The following ARNT variants were observed in gnomAD, a reference collection of about 807,000 sequenced individuals.
The protein encoded by ARNT is aryl hydrocarbon receptor nuclear translocator, also known as class E basic helix-loop-helix protein 2.
A neutral mutation model predicts 105.0 loss-of-function variants in ARNT; 30 were observed. That is an observed-to-expected ratio of 0.29 (90% CI 0.21 to 0.39). The LOEUF (loss-of-function observed/expected upper bound fraction) is 0.39, where lower values mean the gene tolerates loss of function less well. Among genes scored for constraint, ARNT ranks in the 10% least tolerant of loss-of-function variants. The pLI is 1.00. For missense variants in ARNT, 748 were observed against 978.7 expected, an observed-to-expected ratio of 0.76 and a Z score of 3.15; for synonymous variants, 304 against 344.0, an observed-to-expected ratio of 0.88 and a Z score of 1.29.
chr1:150,843,291 C>CCTCAGAA (rs1334892739), intron 4 of ARNT, among the ~76,000 whole-genome samples: 1 of 152,068 alleles, frequency 6.6e-6, no homozygotes, highest in East Asian at 1.9e-4. Context: ...TGATGGGTGG[C>CCTCAGAA]AACTGAGGAA....
rs1261726225 is a variant in ARNT, at chr1:150,836,377, C to T, written c.603G>A (p.Gln201=). The T allele has an allele frequency of 1.2e-6, 2 of 1,614,036 alleles. No homozygotes were observed. The highest frequency in any genetic ancestry group is 2.7e-5 in the African/African-American group (2 of 74,914). Residue 201 remains glutamine (Q), a synonymous_variant, in exon 7 of 22, where the codon CAG becomes CAA. Coordinates refer to ENST00000358595, the MANE Select transcript of ARNT (RefSeq NM_001668.4). ...DSVTPVLNQP[Q]SEWFGSTLYD... Reference sequence around the variant, plus strand: ...AGAGTGTGCTGCCAAACCATTCAGACTGTGGCTGGTTCAAAACAGGAGTCA... The same window carrying T: ...AGAGTGTGCTGCCAAACCATTCAGATTGTGGCTGGTTCAAAACAGGAGTCA...
In ARNT at chr1:150,817,440, G is replaced by A. The variant is rs10305740; in HGVS notation, c.1506-7C>T. ...TGTTTGCTGTTGCTGCTGCCTATATGTCAAAGGCCAGTTGACAAGACAAAT... is the reference window on the plus strand; with the variant it reads ...TGTTTGCTGTTGCTGCTGCCTATATATCAAAGGCCAGTTGACAAGACAAAT... On this transcript the variant is annotated splice_region_variant and splice_polypyrimidine_tract_variant and intron_variant, in intron 15 of 21. Transcript: ENST00000358595. 9.9e-3 allele frequency: 16,042 copies of A among 1,613,440 alleles called. 98 individuals carry two copies. Among genetic ancestry groups the A allele is most frequent in the Middle Eastern group, 0.013 (78 of 6,054 alleles).
At chr1:150,861,251 A>G in intron 1 of ARNT, 1 of 425,308 alleles carries the variant, frequency 2.4e-6, no homozygotes, top group African/African-American at 2.1e-5. Flanking sequence ...GCGCACCTGT[A>G]GTCCCAGCTA....
chr1:150,831,788 G>A (rs780192289), intron 10 of ARNT, 30 bp downstream of exon 10: 4 of 1,498,142 alleles, frequency 2.7e-6, no homozygotes, highest in Non-Finnish European at 3.7e-6. Context: ...ACTGTACCAA[G>A]GGGAAATATT....
At chr1:150,820,169 T>C (rs900332661) in intron 14 of ARNT, among the ~76,000 whole-genome samples, 14 of 152,298 alleles carry the variant, frequency 9.2e-5, no homozygotes, top group African/African-American at 2.9e-4. Flanking sequence ...AAAGACCACA[T>C]GGCCCACAAA....
intron 20 of ARNT, 147 bp downstream of exon 20, chr1:150,813,930 G>T: frequency 8.8e-7 from 1 of 1,135,038 alleles, no homozygotes; most frequent in Non-Finnish European, 1.3e-6. Flanking sequence ...CCAGCTGGTA[G>T]GTTTTAAATT....
At chr1:150,857,316 C>T (rs991612058) in intron 2 of ARNT, among the ~76,000 whole-genome samples, 1 of 152,148 alleles carries the variant, frequency 6.6e-6, no homozygotes, top group Non-Finnish European at 1.5e-5. Context: ...TGTTACTGTA[C>T]ATAAACATAA....
At chr1:150,855,654 C>A (rs980669399) in intron 2 of ARNT, among the ~76,000 whole-genome samples, 5 of 151,498 alleles carry the variant, frequency 3.3e-5, no homozygotes, top group Non-Finnish European at 7.4e-5. Context: ...GTAATCCCAA[C>A]ACTTTAGGAC....
intron 4 of ARNT, among the ~76,000 whole-genome samples, chr1:150,844,739 G>C (rs1661876849): frequency 1.3e-5 from 2 of 150,998 alleles, no homozygotes; most frequent in African/African-American, 4.9e-5. Flanking sequence ...TCATCATCTT[G>C]ATAGGTAATT....
intron 20 of ARNT, 54 bp from the exon 21 acceptor site, chr1:150,813,392 G>A: frequency 2.0e-6 from 3 of 1,503,310 alleles, no homozygotes; most frequent in Non-Finnish European, 2.7e-6. Flanking sequence ...ATTCCATTGT[G>A]TACTAATGCC....
At chr1:150,872,465 C>T (rs1275044740) in intron 1 of ARNT, among the ~76,000 whole-genome samples, 2 of 152,200 alleles carry the variant, frequency 1.3e-5, no homozygotes, top group African/African-American at 4.8e-5. Context: ...CTACATTCTT[C>T]ATCCACAGTA....
At chr1:150,847,441 A>AAG (rs1378708727) in intron 3 of ARNT, among the ~76,000 whole-genome samples, 1 of 151,606 alleles carries the variant, frequency 6.6e-6, no homozygotes, top group African/African-American at 2.4e-5. Flanking sequence ...AAAAAAAAAA[A>AAG]AAAAAGAAGG....
In ARNT at chr1:150,810,331, T is replaced by G. The variant is rs1180124832; in HGVS notation, c.*1690A>C. ...TACAATATTATAGTCCTGATCACAT[T>G]TAAAAAGTCGATTATTAAAAAACAA... On this transcript the variant is annotated 3_prime_UTR_variant, in exon 22 of 22. Coordinates refer to ENST00000358595, the MANE Select transcript of ARNT (RefSeq NM_001668.4). 4.3e-6 allele frequency: 1 copy of G among 230,362 alleles called. No individual in the cohort carries two copies. The highest frequency in any genetic ancestry group is 8.6e-6 in the Non-Finnish European group (1 of 115,982). 14.3% of individuals were successfully genotyped at this position (230,362 alleles called of 1,614,324 possible).
intron 1 of ARNT, among the ~76,000 whole-genome samples, chr1:150,866,650 G>C (rs1296636206): frequency 6.6e-6 from 1 of 151,932 alleles, no homozygotes; most frequent in Non-Finnish European, 1.5e-5. Context: ...TGGATGTATA[G>C]TTTTGATTTA....
intron 1 of ARNT, among the ~76,000 whole-genome samples, chr1:150,862,903 T>C (rs1198380336): frequency 6.6e-6 from 1 of 151,212 alleles, no homozygotes; most frequent in Non-Finnish European, 1.5e-5. Flanking sequence ...ATACAAAAAT[T>C]AGCCAGGCAT....
At chr1:150,813,916 GC>G (rs1655282491) in intron 20 of ARNT, among the ~76,000 whole-genome samples, 160 bp downstream of exon 20, 1 of 152,074 alleles carries the variant, frequency 6.6e-6, no homozygotes, top group Non-Finnish European at 1.5e-5. Context: ...GTGAGCCACC[GC>G]ACCCAGCTGG....
At chr1:150,840,295 G>T (rs1247893052) in intron 5 of ARNT, among the ~76,000 whole-genome samples, 1 of 152,000 alleles carries the variant, frequency 6.6e-6, no homozygotes, top group Middle Eastern at 3.2e-3. Flanking sequence ...ATTTTTAAAT[G>T]CTGATTTTAC....
chr1:150,841,454 T>C (rs967997335), intron 5 of ARNT, among the ~76,000 whole-genome samples: 5 of 152,104 alleles, frequency 3.3e-5, no homozygotes, highest in Admixed American at 2.6e-4. Context: ...CACCACATCA[T>C]GCCAAATCCA....
rs1654537453 is a variant in ARNT at position 150,810,545 on chromosome 1, C to G, written c.*1476G>C. The G allele has an allele frequency of 4.6e-6, 1 of 219,502 alleles. No homozygotes were observed. The highest frequency in any genetic ancestry group is 2.2e-5 in the African/African-American group (1 of 44,520). The allele number at this position is 219,502 out of a possible 1,614,324, so 13.6% of individuals were successfully genotyped here. A position where few individuals can be genotyped will look rare whatever the true frequency, so the allele number is the denominator to read the frequency against. On this transcript the variant is annotated 3_prime_UTR_variant, in exon 22 of 22. Coordinates refer to ENST00000358595, the MANE Select transcript of ARNT (RefSeq NM_001668.4). Reference sequence around the variant, plus strand: ...CATTCCTTTGGCCTCTTCAAGGCCACCCTTGCTCCTCAGTCCCCTATGACT... The same window carrying G: ...CATTCCTTTGGCCTCTTCAAGGCCAGCCTTGCTCCTCAGTCCCCTATGACT...
Sources: gnomAD v4.1 joint callset for allele counts (sites outside exome capture counted in the v4.1 genomes callset) on GRCh38, gnomAD v4.1.1 for gene constraint, MANE v1.5 for transcripts, NCBI Gene and HGNC (gene_info 2026-07-23, HGNC 2026-07-21) for gene names.